The following SP7 variants were observed in gnomAD, a reference collection of about 807,000 sequenced individuals.
SP7 encodes the protein Sp7 transcription factor.
A neutral mutation model predicts 27.9 loss-of-function variants in SP7; 13 were observed. That is an observed-to-expected ratio of 0.47 (90% CI 0.30 to 0.74). The LOEUF is 0.74. Ranked by LOEUF, SP7 falls within the 30% of genes least tolerant of loss-of-function variation. The probability of loss-of-function intolerance (pLI) is 0.06; values close to 1 mark genes in which losing one functional copy is unlikely to be tolerated. For synonymous variants in SP7, 219 were observed against 226.7 expected (o/e 0.97, Z 0.31); for missense variants, 525 against 558.0 (o/e 0.94, Z 0.60).
At chr12:53,336,044 G>A in intron 1 of SP7, 102 bp downstream of exon 1, 1 of 240,730 alleles carries the variant, frequency 4.2e-6, no homozygotes. Context: ...GGGCTGCTGA[G>A]GGGAGAGGTT....
rs756905984 is a variant in SP7, at chr12:53,328,259, G to A, written c.1183C>T (p.Arg395Cys). Residue 395 changes from arginine (R) to cysteine (C), a missense_variant, in exon 3 of 3, where the codon CGC becomes TGC. Coordinates refer to ENST00000536324, the MANE Select transcript of SP7 (RefSeq NM_001173467.3). The surrounding 1 kb of genome is among the most constrained non-coding windows in gnomAD (Gnocchi z 5.1). The part of the protein sequence containing the change: ...PSGPKELGEG[R>C]STGEEEASQT... ...CTGGCCTCCTCTTCCCCCGTGCTGCGGCCCTCCCCCAGCTCCTTGGGGCCA... is the reference window on the plus strand; with the variant it reads ...CTGGCCTCCTCTTCCCCCGTGCTGCAGCCCTCCCCCAGCTCCTTGGGGCCA... The A allele has an allele frequency of 1.7e-5, 28 of 1,611,690 alleles. No individual in the cohort carries two copies. The highest frequency in any genetic ancestry group is 1.3e-4 in the Admixed American group (8 of 59,726).
Position 53,328,192 on chromosome 12 carries a change from T to C in SP7, c.1250A>G (p.Lys417Arg). The stretch of plus-strand genomic sequence containing the variant: ...CTGCTCAGGGCTGCCTCCAGGGGCT[T>C]TCTCTGGGGTTGCTGGCGAGGCAGA... Reference protein sequence around the residue: ...RPSASPATPEKAPGGSPEQSN... With the variant: ...RPSASPATPERAPGGSPEQSN... Residue 417 changes from lysine (K) to arginine (R), a missense_variant, in exon 3 of 3, where the codon AAA becomes AGA. By Grantham distance (26) the Lys-to-Arg change is conservative (BLOSUM62 2). Transcript: ENST00000536324. This position sits in a 1 kb window ranked among gnomAD's most constrained non-coding sequence, Gnocchi z 5.1. 1 of 1,613,064 alleles carries C rather than the reference T, an allele frequency of 6.2e-7. No homozygotes were observed. Among genetic ancestry groups the C allele is most frequent in the South Asian group, 1.1e-5 (1 of 90,998 alleles).
At chr12:53,334,585 G>A (rs10783573) in intron 2 of SP7, among the ~76,000 whole-genome samples, 93,390 of 152,098 alleles carry the variant, frequency 0.61, 29,883 homozygotes, top group East Asian at 0.82. Flanking sequence ...AAGAGTCAAG[G>A]CTACTGAAGG....
At position 53,335,635 on chromosome 12, in the gene SP7, G is replaced by A. The variant is rs1181067287; in HGVS notation, c.12C>T (p.Ser4=). The part of the protein sequence containing the change: MAS[S]LLEEEVHYGS... ...AAGAGGGGACAGTTACCTCAAGCAG[G>A]GAGGACGCCATCCTGAGGCTGGGGA... Residue 4 remains serine (S), a synonymous_variant, in exon 2 of 3, where the codon TCC becomes TCT. Transcript: ENST00000536324. The A allele has an allele frequency of 3.9e-6, 6 of 1,551,356 alleles. No homozygotes were observed. The highest frequency in any genetic ancestry group is 1.2e-5 in the South Asian group (1 of 84,170).
chr12:53,343,154 A>C (rs565607836), intron 1 of SP7, among the ~76,000 whole-genome samples: 1 of 151,882 alleles, frequency 6.6e-6, no homozygotes, highest in South Asian at 2.1e-4. Flanking sequence ...AAAAAAAAAA[A>C]CATAGTCTGG....
upstream of SP7, among the ~76,000 whole-genome samples, chr12:53,338,157 T>TG (rs531595184): frequency 2.9e-5 from 3 of 104,478 alleles, no homozygotes; most frequent in East Asian, 2.5e-4. Context: ...GCCAGGCAGG[T>TG]GGGGGGGCGG....
At chr12:53,333,218 A>G (rs573072589) in intron 2 of SP7, among the ~76,000 whole-genome samples, 1 of 152,304 alleles carries the variant, frequency 6.6e-6, no homozygotes, top group African/African-American at 2.4e-5. Flanking sequence ...GAACTTGGGG[A>G]AAGAGCACTG....
chr12:53,333,993 C>A (rs1483043009), intron 2 of SP7, among the ~76,000 whole-genome samples: 1 of 152,222 alleles, frequency 6.6e-6, no homozygotes, highest in Non-Finnish European at 1.5e-5. Context: ...TCCCAAGCCA[C>A]CAGCGCCACG....
chr12:53,338,158 G>T (rs1279512501), upstream of SP7, among the ~76,000 whole-genome samples: 1 of 151,726 alleles, frequency 6.6e-6, no homozygotes, highest in Admixed American at 6.6e-5. Context: ...CCAGGCAGGT[G>T]GGGGGGCGGG....
At chr12:53,332,090 C>G (rs1203730672) in intron 2 of SP7, among the ~76,000 whole-genome samples, 3 of 152,078 alleles carry the variant, frequency 2.0e-5, no homozygotes, top group Non-Finnish European at 4.4e-5. Context: ...CCCGGGAACC[C>G]CTGATCTTCC....
chr12:53,329,355 G>A lies in SP7; in HGVS notation c.87C>T (p.Gly29=). 1 of 1,614,010 alleles carries A rather than the reference G, an allele frequency of 6.2e-7. No individual in the cohort carries two copies. Among genetic ancestry groups the A allele is most frequent in the Non-Finnish European group, 8.5e-7 (1 of 1,179,904 alleles). Residue 29 remains glycine (G), a synonymous_variant, in exon 3 of 3, where the codon GGC becomes GGT. Coordinates refer to ENST00000536324, the MANE Select transcript of SP7 (RefSeq NM_001173467.3). ...MLTAACSKFG[G]SSPLRDSTTL... is the part of the protein sequence containing the mutation. Reference sequence around the variant, plus strand: ...TTGTTGAGTCCCGCAGAGGGCTAGAGCCACCAAATTTGCTGCACGCTGCCG... The same window carrying A: ...TTGTTGAGTCCCGCAGAGGGCTAGAACCACCAAATTTGCTGCACGCTGCCG...
chr12:53,328,309 T>C lies in SP7; in HGVS notation c.1133A>G (p.Glu378Gly), dbSNP rs1402021965. 6.2e-7 allele frequency: 1 copy of C among 1,611,022 alleles called. No individual in the cohort carries two copies. Among genetic ancestry groups the C allele is most frequent in the East Asian group, 2.2e-5 (1 of 44,842 alleles). Residue 378 changes from glutamate to glycine, a missense_variant, in exon 3 of 3, where the codon GAA (glutamate) becomes GGA (glycine). Coordinates refer to ENST00000536324, the MANE Select transcript of SP7 (RefSeq NM_001173467.3). The surrounding 1 kb of genome is among the most constrained non-coding windows in gnomAD (Gnocchi z 5.1). ...ACTGGGAGGGGGACCCGGGCCTGGT[T>C]CTCCATGGGTGCGCTGGTGTTTGCT... ...HLSKHQRTHG[E>G]PGPGPPPSGP...
In SP7 at chr12:53,328,234, C is replaced by T. The variant is rs998278504; in HGVS notation, c.1208G>A (p.Ser403Asn). Residue 403 changes from serine to asparagine, a missense_variant, in exon 3 of 3, where the codon AGT becomes AAT. Physicochemically the swap from Ser to Asn is conservative, Grantham distance 46. Coordinates refer to ENST00000536324, the MANE Select transcript of SP7 (RefSeq NM_001173467.3). This position sits in a 1 kb window ranked among gnomAD's most constrained non-coding sequence, Gnocchi z 5.1. ...CGAGGCAGAAGGTCGGGGCGTCTGA[C>T]TGGCCTCCTCTTCCCCCGTGCTGCG... ...EGRSTGEEEA[S>N]QTPRPSASPA... is the part of the protein sequence containing the mutation. 6.2e-7 allele frequency: 1 copy of T among 1,612,890 alleles called. No homozygotes were observed. The highest frequency in any genetic ancestry group is 1.3e-5 in the African/African-American group (1 of 75,020).
chr12:53,342,557 TGTA>T (rs1041217913), intron 1 of SP7, among the ~76,000 whole-genome samples: 3 of 152,202 alleles, frequency 2.0e-5, no homozygotes, highest in Non-Finnish European at 4.4e-5. Context: ...GGCTCACGCC[TGTA>T]ATTCCAACAC....
intron 2 of SP7, among the ~76,000 whole-genome samples, chr12:53,332,929 C>T (rs1055700361): frequency 1.8e-4 from 28 of 152,166 alleles, no homozygotes; most frequent in Admixed American, 1.3e-3. Flanking sequence ...CGACGCCGTC[C>T]CCCGCCCGGC....
At chr12:53,342,925 G>T (rs1944836076) in intron 1 of SP7, among the ~76,000 whole-genome samples, 1 of 151,714 alleles carries the variant, frequency 6.6e-6, no homozygotes, top group Non-Finnish European at 1.5e-5. Context: ...TGTTGGGGGG[G>T]AATTAAGGAA....
rs1458416519 is a variant in SP7 at position 53,328,224 on chromosome 12, G to A, written c.1218C>T (p.Pro406=). ...GGGTTGCTGGCGAGGCAGAAGGTCG[G>A]GGCGTCTGACTGGCCTCCTCTTCCC... The part of the protein sequence containing the change: ...STGEEEASQT[P]RPSASPATPE... Residue 406 remains proline (P), a synonymous_variant, in exon 3 of 3, where the codon CCC becomes CCT. Coordinates refer to ENST00000536324, the MANE Select transcript of SP7 (RefSeq NM_001173467.3). This position sits in a 1 kb window ranked among gnomAD's most constrained non-coding sequence, Gnocchi z 5.1. 1 of 1,613,158 alleles carries A rather than the reference G, an allele frequency of 6.2e-7. No homozygotes were observed. Among genetic ancestry groups the A allele is most frequent in the Non-Finnish European group, 8.5e-7 (1 of 1,179,622 alleles).
chr12:53,337,472 G>A (rs190611249), upstream of SP7, among the ~76,000 whole-genome samples: 4 of 152,300 alleles, frequency 2.6e-5, no homozygotes, highest in African/African-American at 9.6e-5. Context: ...TCTCCCACAG[G>A]GGGGCTTAGC....
chr12:53,343,031 C>G (rs1440750508), intron 1 of SP7, among the ~76,000 whole-genome samples: 2 of 149,960 alleles, frequency 1.3e-5, no homozygotes, highest in Non-Finnish European at 3.0e-5. Context: ...TGCAGTGGCT[C>G]ATGCCTGTAA....
Sources: allele counts gnomAD v4.1 joint callset (sites outside exome capture counted in the v4.1 genomes callset), GRCh38; gene constraint gnomAD v4.1.1; non-coding constraint Gnocchi (gnomAD v3.1); transcripts MANE v1.5; gene names NCBI Gene and HGNC (gene_info 2026-07-23, HGNC 2026-07-21).